PREX1: variants seen among roughly 807,000 people sequenced by gnomAD.
The protein encoded by PREX1 is phosphatidylinositol-3,4,5-trisphosphate dependent Rac exchange factor 1, also known as phosphatidylinositol 3,4,5-trisphosphate-dependent Rac exchanger 1 protein.
A neutral mutation model predicts 198.3 loss-of-function variants in PREX1; 41 were observed. The observed-to-expected ratio is 0.21, with a 90% CI of 0.16 to 0.27. PREX1 has a LOEUF of 0.27. Among genes scored for constraint, PREX1 ranks in the 10% least tolerant of loss-of-function variants. PREX1 has a pLI of 1.00. For missense variants in PREX1, 1,620 were observed against 2,200.7 expected, an observed-to-expected ratio of 0.74 and a Z score of 5.28; for synonymous variants, 843 against 887.2, an observed-to-expected ratio of 0.95 and a Z score of 0.89.
At chr20:48,806,738 G>A (rs1311618510) in intron 1 of PREX1, among the ~76,000 whole-genome samples, 1 of 152,196 alleles carries the variant, frequency 6.6e-6, no homozygotes, top group Non-Finnish European at 1.5e-5. Context: ...CCCTGACAAG[G>A]GAGCAACAAG....
At chr20:48,658,054 G>T in intron 17 of PREX1, 82 bp downstream of exon 17, 1 of 1,324,210 alleles carries the variant, frequency 7.6e-7, no homozygotes, top group Non-Finnish European at 1.1e-6. Context: ...CTCCTGGGCT[G>T]GGCTGCCTCA....
intron 29 of PREX1, among the ~76,000 whole-genome samples, chr20:48,640,839 G>A (rs185733401): frequency 1.7e-3 from 245 of 146,016 alleles, no homozygotes; most frequent in Middle Eastern, 7.0e-3. Context: ...GGACAGACAA[G>A]AAGATGGATG....
chr20:48,747,941 C>A, intron 1 of PREX1, 61 bp from the exon 2 acceptor site: 2 of 1,459,934 alleles, frequency 1.4e-6, no homozygotes, highest in East Asian at 2.3e-5. Flanking sequence ...ATGGACGGCC[C>A]TACAGAAGGC....
At chr20:48,633,895 T>C (rs1335027620) in intron 33 of PREX1, among the ~76,000 whole-genome samples, 1 of 152,208 alleles carries the variant, frequency 6.6e-6, no homozygotes, top group East Asian at 1.9e-4. Flanking sequence ...ATGAGGACCA[T>C]GTTACATGGC....
chr20:48,829,048 C>T (rs978586564), upstream of PREX1, among the ~76,000 whole-genome samples: 16 of 152,166 alleles, frequency 1.1e-4, no homozygotes, highest in African/African-American at 3.9e-4. Flanking sequence ...ATAACGGGAA[C>T]GATCATGGTA....
At chr20:48,863,183 CAG>C in the PREX1 span, among the ~76,000 whole-genome samples, 1 of 152,272 alleles carries the variant, frequency 6.6e-6, no homozygotes, top group Admixed American at 6.5e-5. Flanking sequence ...AAGGAAAGTA[CAG>C]AGAGTTCCCT....
chr20:48,703,030 A>G (rs7346029), intron 6 of PREX1, among the ~76,000 whole-genome samples: 7,241 of 152,300 alleles, frequency 0.048, 351 homozygotes, highest in African/African-American at 0.12. Context: ...TCCTTCCCCA[A>G]ACAGTCAACA....
chr20:48,760,439 C>T (rs574226236), intron 1 of PREX1, among the ~76,000 whole-genome samples: 5 of 152,164 alleles, frequency 3.3e-5, no homozygotes, highest in African/African-American at 1.2e-4. Context: ...TCACCACCAG[C>T]GCACCCCTCT....
the PREX1 span, among the ~76,000 whole-genome samples, chr20:48,876,379 T>C: frequency 6.6e-6 from 1 of 152,156 alleles, no homozygotes; most frequent in Non-Finnish European, 1.5e-5. Flanking sequence ...CAATGCAACA[T>C]AAAAGATGGC....
At chr20:48,707,495 T>C (rs551616758) in intron 6 of PREX1, among the ~76,000 whole-genome samples, 1 of 152,224 alleles carries the variant, frequency 6.6e-6, no homozygotes, top group African/African-American at 2.4e-5. Context: ...AAATCTCAAA[T>C]ATGGCAAGTG....
At chr20:48,647,800 TAG>T (rs1038291537) in intron 25 of PREX1, among the ~76,000 whole-genome samples, 1 of 152,108 alleles carries the variant, frequency 6.6e-6, no homozygotes, top group African/African-American at 2.4e-5. Context: ...TACACAAAAG[TAG>T]AGAGAATATC....
At chr20:48,799,809 G>A (rs928129609) in intron 1 of PREX1, among the ~76,000 whole-genome samples, 1 of 152,202 alleles carries the variant, frequency 6.6e-6, no homozygotes, top group African/African-American at 2.4e-5. Flanking sequence ...GGGTGAGGGG[G>A]CAGGGGCTGC....
the PREX1 span, among the ~76,000 whole-genome samples, chr20:48,863,076 C>T: frequency 6.6e-6 from 1 of 152,238 alleles, no homozygotes; most frequent in Admixed American, 6.5e-5. Context: ...GATCCTCCCA[C>T]CTCAGCCTCC....
intron 10 of PREX1, among the ~76,000 whole-genome samples, chr20:48,682,600 G>A (rs1358584485): frequency 1.3e-5 from 2 of 152,172 alleles, no homozygotes; most frequent in Admixed American, 6.5e-5. Flanking sequence ...TTCTGAGGTC[G>A]GCAGGAAGGT....
chr20:48,765,307 T>C (rs1273126414), intron 1 of PREX1, among the ~76,000 whole-genome samples: 1 of 152,220 alleles, frequency 6.6e-6, no homozygotes, highest in Non-Finnish European at 1.5e-5. Context: ...AAATATTCAT[T>C]AAGGACAGAT....
chr20:48,847,364 T>TAAAAAAAAAAAAAAAAAAAAAAAAAAA, the PREX1 span, among the ~76,000 whole-genome samples: 7 of 77,226 alleles, frequency 9.1e-5, no homozygotes, highest in African/African-American at 1.6e-4. Context: ...CCTTCTCTTA[T>TAAAAAAAAAAAAAAAAAAAAAAAAAAA]AAAAAAAAAA....
At chr20:48,885,928 G>A in the PREX1 span, among the ~76,000 whole-genome samples, 2 of 152,126 alleles carry the variant, frequency 1.3e-5, no homozygotes, top group Non-Finnish European at 2.9e-5. Flanking sequence ...TGAATAGTTG[G>A]AGCACAGAGG....
At chr20:48,630,071 C>T (rs2089301729) in intron 36 of PREX1, among the ~76,000 whole-genome samples, 1 of 152,168 alleles carries the variant, frequency 6.6e-6, no homozygotes, top group East Asian at 1.9e-4. Context: ...TTCTGCCAGC[C>T]AGAGTGGAAA....
chr20:48,667,293 G>A (rs1194346067), intron 14 of PREX1, among the ~76,000 whole-genome samples: 2 of 152,150 alleles, frequency 1.3e-5, no homozygotes, highest in Non-Finnish European at 2.9e-5. Flanking sequence ...ACCCTAATTT[G>A]GCTCAGCTTC....
Sources: allele counts gnomAD v4.1 joint callset (sites outside exome capture counted in the v4.1 genomes callset), GRCh38; gene constraint gnomAD v4.1.1; transcripts MANE v1.5; gene names NCBI Gene and HGNC (gene_info 2026-07-23, HGNC 2026-07-21).